Variants in MLLT3 observed in about 807,000 individuals in gnomAD.
The protein encoded by MLLT3 is MLLT3 super elongation complex subunit, also known as protein AF-9.
A neutral mutation model predicts 53.2 loss-of-function variants in MLLT3; 4 were observed. The ratio of observed to expected loss-of-function variants is 0.08; its 90% CI spans 0.04 to 0.17. The LOEUF (loss-of-function observed/expected upper bound fraction) is 0.17, where lower values mean the gene tolerates loss of function less well. Among genes scored for constraint, MLLT3 ranks in the 10% least tolerant of loss-of-function variants. MLLT3 has a pLI of 1.00. For missense variants in MLLT3, 569 were observed against 684.0 expected, an observed-to-expected ratio of 0.83 and a Z score of 1.87; for synonymous variants, 283 against 230.6, an observed-to-expected ratio of 1.23 and a Z score of -2.06.
intron 2 of MLLT3, among the ~76,000 whole-genome samples, chr9:20,469,488 T>C (rs1353352095): frequency 6.6e-6 from 1 of 152,110 alleles, no homozygotes; most frequent in Non-Finnish European, 1.5e-5. Flanking sequence ...TCAATCTTAA[T>C]AGTATTCCAG....
chr9:20,561,654 T>TG, intron 2 of MLLT3, among the ~76,000 whole-genome samples: 1 of 152,304 alleles, frequency 6.6e-6, no homozygotes, highest in Middle Eastern at 3.4e-3. Flanking sequence ...CCAACAGACC[T>TG]GGTTGGCATC....
At chr9:20,618,443 T>C (rs751327737) in intron 2 of MLLT3, among the ~76,000 whole-genome samples, 19 of 152,352 alleles carry the variant, frequency 1.2e-4, no homozygotes, top group Middle Eastern at 3.4e-3. Flanking sequence ...CTGAATCATG[T>C]GTAATTACAG....
intron 2 of MLLT3, among the ~76,000 whole-genome samples, chr9:20,513,917 G>T (rs1563795560): frequency 6.6e-6 from 1 of 152,236 alleles, no homozygotes; most frequent in African/African-American, 2.4e-5. Flanking sequence ...TCAGATAAGT[G>T]TAAGTCTGAG....
intron 2 of MLLT3, among the ~76,000 whole-genome samples, chr9:20,544,926 A>AT (rs937524028): frequency 6.6e-6 from 1 of 152,048 alleles, no homozygotes; most frequent in African/African-American, 2.4e-5. Flanking sequence ...CTTTAAAAAA[A>AT]ATTAAAAATT....
At chr9:20,587,778 C>T (rs991868531) in intron 2 of MLLT3, among the ~76,000 whole-genome samples, 5 of 151,800 alleles carry the variant, frequency 3.3e-5, no homozygotes, top group Admixed American at 1.3e-4. Context: ...AAATTTTCTC[C>T]CATTTTGTAG....
At chr9:20,551,190 G>T (rs539157063) in intron 2 of MLLT3, among the ~76,000 whole-genome samples, 2 of 152,154 alleles carry the variant, frequency 1.3e-5, no homozygotes, top group South Asian at 4.2e-4. Context: ...AAAGTAAAAG[G>T]AACAATCCCA....
At chr9:20,382,455 G>A (rs1821929289) in intron 5 of MLLT3, 1 of 151,894 alleles carries the variant, frequency 6.6e-6, no homozygotes, top group South Asian at 2.1e-4. Flanking sequence ...AGCAAGGAAT[G>A]GAGAGCTGTT....
Position 20,565,954 on chromosome 9 carries a change from T to TTTA in MLLT3, c.193+54699_193+54700insTAA, listed in dbSNP as rs1819352658. Among the ~76,000 whole-genome samples, 81 of 34,674 alleles carry TTTA rather than the reference T, an allele frequency of 2.3e-3. 1 individual carries two copies. Among genetic ancestry groups the TTTA allele is most frequent in the Admixed American group, 4.1e-3 (11 of 2,668 alleles). 22.7% of individuals were successfully genotyped at this position (34,674 alleles called of 152,430 possible). A position where few individuals can be genotyped will look rare whatever the true frequency, so the allele number is the denominator to read the frequency against. ...TATATATATTTATATATATATATAT[T>TTTA]TATATATATATATTTATATATATAT... On this transcript the variant is annotated intron_variant, in intron 2 of 10. Coordinates refer to ENST00000380338, the MANE Select transcript of MLLT3 (RefSeq NM_004529.4).
chr9:20,500,410 C>A (rs970192014), intron 2 of MLLT3, among the ~76,000 whole-genome samples: 13 of 152,214 alleles, frequency 8.5e-5, no homozygotes, highest in Non-Finnish European at 1.6e-4. Flanking sequence ...AGCATCATTT[C>A]TGCACTACTC....
At chr9:20,471,279 G>T in intron 2 of MLLT3, among the ~76,000 whole-genome samples, 1 of 151,950 alleles carries the variant, frequency 6.6e-6, no homozygotes, top group Admixed American at 6.6e-5. Context: ...ATTATTACTT[G>T]TAATAATAAG....
chr9:20,398,648 T>C (rs575586354), intron 5 of MLLT3, among the ~76,000 whole-genome samples: 1 of 152,086 alleles, frequency 6.6e-6, no homozygotes, highest in Non-Finnish European at 1.5e-5. Flanking sequence ...AAGGTGGCCA[T>C]ATAACTTTCA....
Position 20,363,535 on chromosome 9 carries a change from A to G in MLLT3, c.1272T>C (p.Asp424=). ...TCTCCATTTCAGAGTCATTGTCGTTATCCTCCACTTCATCTGATTCCTCCT... is the reference window on the plus strand; with the variant it reads ...TCTCCATTTCAGAGTCATTGTCGTTGTCCTCCACTTCATCTGATTCCTCCT... The part of the protein sequence containing the change: ...DNEEESDEVE[D]NDNDSEMERP... Residue 424 remains aspartate (D), a synonymous_variant, in exon 7 of 11, where the codon GAT becomes GAC. Transcript: ENST00000380338. 3 of 1,614,066 alleles carry G rather than the reference A, an allele frequency of 1.9e-6. No homozygotes were observed. The highest frequency in any genetic ancestry group is 2.5e-6 in the Non-Finnish European group (3 of 1,179,982).
intron 2 of MLLT3, among the ~76,000 whole-genome samples, chr9:20,595,429 TTTATA>T (rs1415101521): frequency 3.9e-5 from 6 of 152,024 alleles, no homozygotes; most frequent in Non-Finnish European, 7.4e-5. Flanking sequence ...TACTTTATAA[TTTATA>T]TTATAATTTT....
intron 2 of MLLT3, among the ~76,000 whole-genome samples, chr9:20,514,589 G>A (rs1021230446): frequency 6.6e-6 from 1 of 151,846 alleles, no homozygotes; most frequent in Non-Finnish European, 1.5e-5. Context: ...CTGGCCCATG[G>A]GACAATCTAT....
intron 2 of MLLT3, among the ~76,000 whole-genome samples, chr9:20,530,107 A>C (rs1220662851): frequency 6.6e-6 from 1 of 152,218 alleles, no homozygotes; most frequent in African/African-American, 2.4e-5. Flanking sequence ...GTTGGGCATA[A>C]ATGTTAATGC....
In MLLT3 at chr9:20,448,029, A is replaced by G; in HGVS notation, c.420+94T>C. 1 of 1,388,566 alleles carries G rather than the reference A, an allele frequency of 7.2e-7. No individual in the cohort carries two copies. The allele number at this position is 1,388,566 out of a possible 1,614,324, so 86.0% of individuals were successfully genotyped here. ...TCTTTTACCTCTCCCAAAACCTTAT[A>G]CTTTTTAACACATGAGGAACTAGTT... On this transcript the variant is annotated intron_variant, in intron 4 of 10. Transcript: ENST00000380338. This position sits in a 1 kb window ranked among gnomAD's most constrained non-coding sequence, Gnocchi z 4.0.
At chr9:20,486,320 A>G (rs1390575508) in intron 2 of MLLT3, among the ~76,000 whole-genome samples, 2 of 152,152 alleles carry the variant, frequency 1.3e-5, no homozygotes, top group Non-Finnish European at 2.9e-5. Context: ...AAAAGCAGCA[A>G]AAACTCAATG....
chr9:20,469,740 AT>A (rs1439198804), intron 2 of MLLT3, among the ~76,000 whole-genome samples: 47 of 151,434 alleles, frequency 3.1e-4, no homozygotes, highest in African/African-American at 1.1e-3. Flanking sequence ...AAAAAAAAAA[AT>A]CTCTCTTCCT....
chr9:20,355,388 G>C (rs1040181974), intron 8 of MLLT3, among the ~76,000 whole-genome samples: 7 of 152,316 alleles, frequency 4.6e-5, no homozygotes, highest in African/African-American at 1.4e-4. Context: ...TACAGCTTTG[G>C]AAATGAAGAT....
Sources: allele counts gnomAD v4.1 joint callset (sites outside exome capture counted in the v4.1 genomes callset), GRCh38; gene constraint gnomAD v4.1.1; non-coding constraint Gnocchi (gnomAD v3.1); transcripts MANE v1.5; gene names NCBI Gene and HGNC (gene_info 2026-07-23, HGNC 2026-07-21).